Variants in GLRB observed in about 807,000 individuals in gnomAD.
GLRB encodes the protein glycine receptor subunit beta.
A neutral mutation model predicts 54.2 loss-of-function variants in GLRB; 33 were observed. The ratio of observed to expected loss-of-function variants is 0.61; its 90% CI spans 0.46 to 0.81. GLRB has a LOEUF of 0.81. Ranked by LOEUF, GLRB falls within the 40% of genes least tolerant of loss-of-function variation. GLRB has a pLI of 0.00. For missense variants in GLRB, 572 were observed against 584.6 expected (o/e 0.98, Z 0.22); for synonymous variants, 209 against 208.2 (o/e 1.00, Z -0.03).
intron 2 of GLRB, among the ~76,000 whole-genome samples, chr4:157,101,438 T>G (rs961648095): frequency 5.9e-5 from 9 of 152,082 alleles, no homozygotes; most frequent in African/African-American, 2.2e-4. Context: ...AACTTGAAAC[T>G]TTTAAGGAGG....
chr4:157,148,738 AT>A (rs1736908073), intron 8 of GLRB, among the ~76,000 whole-genome samples: 3 of 152,050 alleles, frequency 2.0e-5, no homozygotes, highest in Non-Finnish European at 2.9e-5. Flanking sequence ...GTGTGTTGAG[AT>A]TTTTTTTAAA....
At chr4:157,084,681 G>C in intron 2 of GLRB, 1 of 456,064 alleles carries the variant, frequency 2.2e-6, no homozygotes, top group Non-Finnish European at 4.4e-6. Flanking sequence ...TTGTACCATT[G>C]AATGACAGCA....
At chr4:157,149,175 A>G (rs1026284121) in intron 8 of GLRB, among the ~76,000 whole-genome samples, 2 of 152,124 alleles carry the variant, frequency 1.3e-5, no homozygotes, top group Non-Finnish European at 2.9e-5. Flanking sequence ...TATGTTCTAA[A>G]AGTTAGCAGA....
chr4:157,077,268 A>T (rs1017647118), intron 1 of GLRB, among the ~76,000 whole-genome samples: 1 of 152,180 alleles, frequency 6.6e-6, no homozygotes, highest in Non-Finnish European at 1.5e-5. Flanking sequence ...AAAAAAATGT[A>T]ACAACACTTG....
At chr4:157,164,040 C>T (rs1033570163) in intron 9 of GLRB, among the ~76,000 whole-genome samples, 6 of 152,122 alleles carry the variant, frequency 3.9e-5, no homozygotes, top group African/African-American at 7.2e-5. Flanking sequence ...ACTCTTAACA[C>T]TTTCATTGTT....
chr4:157,165,530 GA>G (rs1428911808), intron 9 of GLRB, among the ~76,000 whole-genome samples: 2 of 151,824 alleles, frequency 1.3e-5, no homozygotes, highest in East Asian at 1.9e-4. Flanking sequence ...TTAAAAAGTA[GA>G]AAAAAATTAA....
intron 2 of GLRB, among the ~76,000 whole-genome samples, chr4:157,114,227 TC>T (rs1280384389): frequency 6.6e-6 from 1 of 151,818 alleles, no homozygotes; most frequent in African/African-American, 2.4e-5. Context: ...AGGTTTCACT[TC>T]CATGTGATTA....
At chr4:157,101,733 C>G (rs923526813) in intron 2 of GLRB, among the ~76,000 whole-genome samples, 2 of 150,720 alleles carry the variant, frequency 1.3e-5, no homozygotes, top group African/African-American at 4.9e-5. Flanking sequence ...ATTTCTTAAC[C>G]CTACACCCAT....
intron 2 of GLRB, among the ~76,000 whole-genome samples, chr4:157,104,988 T>A (rs2126491223): frequency 6.6e-6 from 1 of 151,940 alleles, no homozygotes; most frequent in Non-Finnish European, 1.5e-5. Context: ...CTGTAAATTT[T>A]GTTAACATTT....
intron 2 of GLRB, among the ~76,000 whole-genome samples, chr4:157,092,366 T>C (rs568551131): frequency 6.6e-6 from 1 of 152,344 alleles, no homozygotes; most frequent in African/African-American, 2.4e-5. Flanking sequence ...TCTGATAGTA[T>C]AATTTGGAAT....
chr4:157,086,887 A>G (rs1354056075), intron 2 of GLRB, among the ~76,000 whole-genome samples: 1 of 152,054 alleles, frequency 6.6e-6, no homozygotes, highest in African/African-American at 2.4e-5. Flanking sequence ...AACTGAAATT[A>G]AACTCCCTGT....
chr4:157,157,806 G>T (rs1328772492), intron 9 of GLRB, among the ~76,000 whole-genome samples: 23 of 152,164 alleles, frequency 1.5e-4, no homozygotes, highest in Admixed American at 1.5e-3. Context: ...ACATATGTGT[G>T]CATGTGTCTT....
At chr4:157,158,697 G>C (rs202038425) in intron 9 of GLRB, among the ~76,000 whole-genome samples, 1 of 152,168 alleles carries the variant, frequency 6.6e-6, no homozygotes, top group Non-Finnish European at 1.5e-5. Context: ...CTATATCTCT[G>C]TTTTGGTACC....
At chr4:157,127,656 A>C (rs148555472) in intron 4 of GLRB, among the ~76,000 whole-genome samples, 27 of 151,950 alleles carry the variant, frequency 1.8e-4, no homozygotes, top group African/African-American at 5.3e-4. Context: ...TGTAAGACAG[A>C]GACAGCAAGA....
chr4:157,152,034 T>C (rs755182147), intron 8 of GLRB, among the ~76,000 whole-genome samples: 19 of 152,226 alleles, frequency 1.2e-4, no homozygotes, highest in Non-Finnish European at 1.6e-4. Context: ...AGAGTGGCAA[T>C]TGGGAAGAGA....
At chr4:157,159,048 T>C (rs1737357029) in intron 9 of GLRB, among the ~76,000 whole-genome samples, 1 of 152,200 alleles carries the variant, frequency 6.6e-6, no homozygotes, top group South Asian at 2.1e-4. Flanking sequence ...GTCCTCCACA[T>C]CCCTTGTAAG....
At chr4:157,120,383 T>TAATAATAAAATAAAATAA (rs1380176897) in intron 2 of GLRB, among the ~76,000 whole-genome samples, 173 bp from the exon 3 acceptor site, 1 of 148,650 alleles carries the variant, frequency 6.7e-6, no homozygotes, top group Non-Finnish European at 1.5e-5. Flanking sequence ...TAAAATATAA[T>TAATAATAAAATAAAATAA]AATAATAAAA....
intron 1 of GLRB, among the ~76,000 whole-genome samples, chr4:157,077,746 G>A (rs1015118494): frequency 1.3e-5 from 2 of 149,440 alleles, no homozygotes; most frequent in African/African-American, 2.5e-5. Flanking sequence ...ATTATATCTC[G>A]TTGGCGGTCT....
chr4:157,077,876 A>C (rs1178820214), intron 1 of GLRB, 120 bp from the exon 2 acceptor site: 2 of 626,452 alleles, frequency 3.2e-6, no homozygotes, highest in Non-Finnish European at 5.6e-6. Flanking sequence ...CTGAGCAATG[A>C]GGATTTGATG....
Sources: gnomAD v4.1 joint callset for allele counts (sites outside exome capture counted in the v4.1 genomes callset) on GRCh38, gnomAD v4.1.1 for gene constraint, MANE v1.5 for transcripts, NCBI Gene and HGNC (gene_info 2026-07-23, HGNC 2026-07-21) for gene names.